Variants in EIF4G1 observed in about 807,000 individuals in gnomAD.
EIF4G1 encodes eukaryotic translation initiation factor 4 gamma 1.
A neutral mutation model predicts 187.8 loss-of-function variants in EIF4G1; 4 were observed. The observed-to-expected ratio is 0.02, with a 90% CI of 0.01 to 0.05. The LOEUF (loss-of-function observed/expected upper bound fraction) is 0.05, where lower values mean the gene tolerates loss of function less well. EIF4G1 is among the 10% of genes least tolerant of loss of function. The pLI, the probability that EIF4G1 is intolerant of heterozygous loss-of-function variation, is 1.00. For synonymous variants in EIF4G1, 844 were observed against 781.4 expected (o/e 1.08, Z -1.34); for missense variants, 1,647 against 2,081.1 (o/e 0.79, Z 4.06).
chr3:184,319,980 G>A (rs141135447), intron 7 of EIF4G1, among the ~76,000 whole-genome samples, 179 bp downstream of exon 7: 223 of 152,362 alleles, frequency 1.5e-3, no homozygotes, highest in Middle Eastern at 0.014. Context: ...CAGCATAGAA[G>A]CAGGTCATGG....
Position 184,321,493 on chromosome 3 carries a change from C to A in EIF4G1, c.909C>A (p.Ile303=), listed in dbSNP as rs149070881. ...TGTCTGTAGAAGAATCAACCCCCAT[C>A]TCCCGTGAAACTGGGGAGCCATATC... ...IQMSVEESTP[I]SRETGEPYRL... Residue 303 remains isoleucine, a synonymous_variant, in exon 10 of 33, where the codon ATC becomes ATA. Transcript: ENST00000346169. The A allele has an allele frequency of 1.9e-6, 3 of 1,614,110 alleles. No homozygotes were observed. Among genetic ancestry groups the A allele is most frequent in the African/African-American group, 2.7e-5 (2 of 74,936 alleles).
At position 184,327,673 on chromosome 3, in the gene EIF4G1, T is replaced by C. The variant is rs767290309; in HGVS notation, c.3749T>C (p.Ile1250Thr). Residue 1250 changes from isoleucine (I) to threonine (T), a missense_variant, in exon 25 of 33, where the codon ATT becomes ACT. Physicochemically the swap from Ile to Thr is moderately conservative, Grantham distance 89. Transcript: ENST00000346169. ...EELEKKSKAI[I>T]EEYLHLNDMK... is the part of the protein sequence containing the mutation. ...TTAGAGAAGAAATCCAAGGCTATCA[T>C]TGAGGAATATCTCCATCTCAATGAC... 8.7e-6 allele frequency: 14 copies of C among 1,614,074 alleles called. No homozygotes were observed. The African/African-American group carries it at 1.3e-4, about 15-fold the overall frequency.
In EIF4G1 at chr3:184,319,547, G is replaced by C. The variant is rs1055939237; in HGVS notation, c.425-142G>C. The C allele has an allele frequency of 1.6e-5, 11 of 687,080 alleles. No individual in the cohort carries two copies. The African/African-American group carries it at 1.8e-4, about 11-fold the overall frequency. The allele number at this position is 687,080 out of a possible 1,614,324, so 42.6% of individuals were successfully genotyped here. ...AGCTTTGACAGACACCTAATTCCCT[G>C]GGGGAGGAGGGCAGGGCAGGGCAAG... On this transcript the variant is annotated intron_variant, in intron 6 of 32. Coordinates refer to ENST00000346169, the MANE Select transcript of EIF4G1 (RefSeq NM_198241.3).
rs1726915293 is a variant in EIF4G1 at position 184,335,330 on chromosome 3, A to G, written c.*422A>G. On this transcript the variant is annotated 3_prime_UTR_variant, in exon 33 of 33. Transcript: ENST00000346169. The stretch of plus-strand genomic sequence containing the variant: ...GGGAAGGGGGGGCACGGTGCCTGTA[A>G]TTATTAAACATGAATTCAATTAAGC... 8.9e-6 allele frequency: 2 copies of G among 225,936 alleles called. No homozygotes were observed. Among genetic ancestry groups the G allele is most frequent in the East Asian group, 1.1e-4 (1 of 9,346 alleles). 14.0% of individuals were successfully genotyped at this position (225,936 alleles called of 1,614,324 possible). A position where few individuals can be genotyped will look rare whatever the true frequency, so the allele number is the denominator to read the frequency against.
chr3:184,321,632 C>A lies in EIF4G1; in HGVS notation c.1048C>A (p.Pro350Thr). 6.2e-7 allele frequency: 1 copy of A among 1,612,242 alleles called. No individual in the cohort carries two copies. The part of the protein sequence containing the change: ...FSSSPLQAPT[P>T]LASHTVEIHE... ...TTCCAGTCCTCTCCAGGCTCCCACC[C>A]CTTTGGCATCTCACACAGTGGAAAT... The change falls in exon 10 of 33, where the codon CCT (proline) becomes ACT (threonine). Residue 350 changes from proline (P) to threonine (T), a missense_variant. By Grantham distance (38) the Pro-to-Thr change is conservative. Coordinates refer to ENST00000346169, the MANE Select transcript of EIF4G1 (RefSeq NM_198241.3).
intron 6 of EIF4G1, 22 bp downstream of exon 6, chr3:184,317,838 A>C: frequency 6.4e-7 from 1 of 1,565,714 alleles, no homozygotes; most frequent in Non-Finnish European, 8.8e-7. Context: ...AGGGAGTCAG[A>C]GGTGAGAACA....
chr3:184,324,893 C>G lies in EIF4G1; in HGVS notation c.2635C>G (p.Arg879Gly). ...TGAATGGCAGGCAGAGGAACGAGGA[C>G]GCCTGAAGGAAGAGCTGGAAGAGGC... ...DEAATAEERGRLKEELEEARD... is the reference protein window; with the variant it reads ...DEAATAEERGGLKEELEEARD... The change falls in exon 18 of 33, where the codon CGC becomes GGC. Residue 879 changes from arginine to glycine, a missense_variant. Physicochemically the swap from Arg to Gly is moderately radical, Grantham distance 125. Coordinates refer to ENST00000346169, the MANE Select transcript of EIF4G1 (RefSeq NM_198241.3). 1 of 1,613,892 alleles carries G rather than the reference C, an allele frequency of 6.2e-7. No homozygotes were observed. Among genetic ancestry groups the G allele is most frequent in the Non-Finnish European group, 8.5e-7 (1 of 1,180,036 alleles).
At chr3:184,324,096 C>A in intron 16 of EIF4G1, 105 bp from the exon 17 acceptor site, 1 of 1,602,624 alleles carries the variant, frequency 6.2e-7, no homozygotes, top group Non-Finnish European at 8.5e-7. Context: ...TGGAAGGAGG[C>A]AGAGCTGGGG....
chr3:184,320,318 A>T (rs1370756607), intron 7 of EIF4G1: 3 of 1,299,306 alleles, frequency 2.3e-6, no homozygotes, highest in Admixed American at 3.3e-5. Context: ...TGGGTTCTAG[A>T]TGGGGGTCCT....
Position 184,317,357 on chromosome 3 carries a change from G to A in EIF4G1, c.184G>A (p.Ala62Thr). ...TAGCCGGGCCCAGCCCCCGAGCAGTGCAGCCTCCCGAGTGCAGAGTGCAGC... is the reference window on the plus strand; with the variant it reads ...TAGCCGGGCCCAGCCCCCGAGCAGTACAGCCTCCCGAGTGCAGAGTGCAGC... ...YPSRAQPPSS[A>T]ASRVQSAAPA... The change falls in exon 5 of 33, where the codon GCA (alanine) becomes ACA (threonine). Residue 62 changes from alanine to threonine, a missense_variant. Physicochemically the swap from Ala to Thr is moderately conservative, Grantham distance 58. This residue lies in a region of EIF4G1 where 139 missense variants were observed against 187.3 expected (regional missense o/e 0.74). Coordinates refer to ENST00000346169, the MANE Select transcript of EIF4G1 (RefSeq NM_198241.3). The A allele has an allele frequency of 6.2e-7, 1 of 1,614,112 alleles. No homozygotes were observed.
chr3:184,321,034 A>G (rs1723812725), intron 9 of EIF4G1, 41 bp downstream of exon 9: 4 of 1,606,008 alleles, frequency 2.5e-6, no homozygotes, highest in Non-Finnish European at 3.4e-6. Context: ...GGGGAAAGGG[A>G]ATGTTAACAG....
intron 9 of EIF4G1, 76 bp downstream of exon 9, chr3:184,321,069 C>A: frequency 1.3e-6 from 2 of 1,560,938 alleles, no homozygotes; most frequent in Non-Finnish European, 1.7e-6. Flanking sequence ...GGTGGAGTGA[C>A]TTGAACTGGG....
Position 184,334,458 on chromosome 3 carries a change from A to C in EIF4G1, c.4619-269A>C, listed in dbSNP as rs1726756241. Among the ~76,000 whole-genome samples the C allele has an allele frequency of 6.6e-6, 1 of 152,226 alleles. No individual in the cohort carries two copies. Among genetic ancestry groups the C allele is most frequent in the Non-Finnish European group, 1.5e-5 (1 of 68,032 alleles). On this transcript the variant is annotated intron_variant, in intron 32 of 32. Coordinates refer to ENST00000346169, the MANE Select transcript of EIF4G1 (RefSeq NM_198241.3). This position sits in a 1 kb window ranked among gnomAD's most constrained non-coding sequence, Gnocchi z 5.8. ...CTGAATATAGTTTTCTCCATTAAAT[A>C]CATCATGGGCAGAGAGGTTTCAGGC... is the stretch of plus-strand genomic sequence containing the variant.
At chr3:184,317,275 A>G (rs529763005) in intron 4 of EIF4G1, 46 bp from the exon 5 acceptor site, 1 of 1,610,576 alleles carries the variant, frequency 6.2e-7, no homozygotes, top group Non-Finnish European at 8.5e-7. Flanking sequence ...TTTTTTGTCC[A>G]CTTCCTTCTC....
intron 26 of EIF4G1, 163 bp from the exon 27 acceptor site, chr3:184,328,464 GAAAA>G: frequency 3.9e-5 from 38 of 971,282 alleles, no homozygotes; most frequent in Non-Finnish European, 6.0e-5. Flanking sequence ...TAAGCGGGGT[GAAAA>G]CCATCTAAGG....
chr3:184,319,520 C>A (rs928449753), intron 6 of EIF4G1, 169 bp from the exon 7 acceptor site: 1 of 641,894 alleles, frequency 1.6e-6, no homozygotes, highest in African/African-American at 1.8e-5. Flanking sequence ...GACTGGTTCC[C>A]CAGCTTTGAC....
intron 3 of EIF4G1, 111 bp from the exon 4 acceptor site, chr3:184,316,021 A>T (rs1316114091): frequency 6.5e-7 from 1 of 1,548,382 alleles, no homozygotes; most frequent in African/African-American, 1.4e-5. Flanking sequence ...GGGAGGGGGT[A>T]TGTGGATTGT....
At chr3:184,332,353 G>GATCTT (rs1374450572) in intron 32 of EIF4G1, among the ~76,000 whole-genome samples, 1 of 152,218 alleles carries the variant, frequency 6.6e-6, no homozygotes, top group African/African-American at 2.4e-5. Flanking sequence ...TAAATGATAG[G>GATCTT]ATCTTCCCAG....
chr3:184,326,781 T>C, intron 22 of EIF4G1, 100 bp from the exon 23 acceptor site: 1 of 1,532,552 alleles, frequency 6.5e-7, no homozygotes, highest in Non-Finnish European at 9.0e-7. Context: ...TTGAACTGCT[T>C]TACTTTTGGG....
Sources: allele counts gnomAD v4.1 joint callset (sites outside exome capture counted in the v4.1 genomes callset), GRCh38; gene constraint gnomAD v4.1.1; regional missense constraint gnomAD v4.1.1; non-coding constraint Gnocchi (gnomAD v3.1); transcripts MANE v1.5; gene names NCBI Gene and HGNC (gene_info 2026-07-23, HGNC 2026-07-21).